The following COL11A1 variants were observed in gnomAD, a reference collection of about 807,000 sequenced individuals.
The protein encoded by COL11A1 is collagen alpha-1(XI) chain.
A neutral mutation model predicts 265.2 loss-of-function variants in COL11A1; 74 were observed. The ratio of observed to expected loss-of-function variants is 0.28; its 90% CI spans 0.23 to 0.34. The LOEUF (loss-of-function observed/expected upper bound fraction) is 0.34. COL11A1 is among the 10% of genes least tolerant of loss of function. The pLI, the probability that COL11A1 is intolerant of heterozygous loss-of-function variation, is 1.00. For missense variants in COL11A1, 2,165 were observed against 2,263.6 expected, an observed-to-expected ratio of 0.96 and a Z score of 0.88; for synonymous variants, 816 against 727.6, an observed-to-expected ratio of 1.12 and a Z score of -1.96.
At chr1:103,037,007 GC>G (rs1668423124) in intron 4 of COL11A1, among the ~76,000 whole-genome samples, 2 of 148,328 alleles carry the variant, frequency 1.3e-5, no homozygotes, top group South Asian at 4.2e-4. Flanking sequence ...CACATGCATT[GC>G]AAAAGGATCT....
intron 9 of COL11A1, among the ~76,000 whole-genome samples, chr1:103,019,632 C>T (rs1055040404): frequency 6.6e-6 from 1 of 151,670 alleles, no homozygotes; most frequent in African/African-American, 2.4e-5. Context: ...TACATGTGCA[C>T]AATGTGCAGG....
chr1:102,978,942 A>C (rs1662772615), intron 33 of COL11A1, 29 bp from the exon 34 acceptor site: 1 of 1,613,910 alleles, frequency 6.2e-7, no homozygotes, highest in African/African-American at 1.3e-5. Flanking sequence ...GATGAACCCA[A>C]ACTAATGCCA....
At chr1:102,917,557 A>T (rs544359841) in intron 49 of COL11A1, among the ~76,000 whole-genome samples, 22 of 151,978 alleles carry the variant, frequency 1.4e-4, no homozygotes, top group African/African-American at 5.3e-4. Context: ...CTTATGTACC[A>T]CATTAATTCA....
chr1:103,039,225 A>G (rs1368758203), intron 4 of COL11A1, among the ~76,000 whole-genome samples: 1 of 152,170 alleles, frequency 6.6e-6, no homozygotes, highest in Non-Finnish European at 1.5e-5. Context: ...AGAATCAATA[A>G]TAATTGGCAG....
intron 41 of COL11A1, among the ~76,000 whole-genome samples, chr1:102,957,299 T>C (rs773046226): frequency 1.3e-5 from 2 of 152,008 alleles, no homozygotes; most frequent in Non-Finnish European, 2.9e-5. Flanking sequence ...CAGATTAGAG[T>C]CATATAGTAA....
intron 46 of COL11A1, among the ~76,000 whole-genome samples, chr1:102,928,900 G>A (rs1242678833): frequency 1.2e-5 from 1 of 81,580 alleles, no homozygotes; most frequent in Non-Finnish European, 3.1e-5. Context: ...CTTCTTTTGA[G>A]AAGTGTCTGT....
intron 25 of COL11A1, 30 bp from the exon 26 acceptor site, chr1:102,997,154 G>A (rs779537189): frequency 1.3e-6 from 2 of 1,556,676 alleles, no homozygotes; most frequent in Non-Finnish European, 1.8e-6. Context: ...ACACTGATAA[G>A]ATGTAATATA....
chr1:102,911,840 A>G (rs1654723197), intron 54 of COL11A1, among the ~76,000 whole-genome samples: 1 of 152,188 alleles, frequency 6.6e-6, no homozygotes, highest in Admixed American at 6.5e-5. Context: ...CCCATGTATT[A>G]CAATAGGAGT....
chr1:103,080,658 AG>A (rs1672337181), intron 2 of COL11A1, among the ~76,000 whole-genome samples: 1 of 151,960 alleles, frequency 6.6e-6, no homozygotes, highest in Non-Finnish European at 1.5e-5. Context: ...ACTATCAAAA[AG>A]TCAAAAGATA....
intron 49 of COL11A1, among the ~76,000 whole-genome samples, chr1:102,917,347 T>A (rs554131647): frequency 7.7e-4 from 117 of 152,024 alleles, no homozygotes; most frequent in African/African-American, 2.7e-3. Context: ...CAAGAAGGAT[T>A]CAAGAATTTA....
chr1:103,057,804 A>G (rs1167475364), intron 4 of COL11A1, among the ~76,000 whole-genome samples: 2 of 152,176 alleles, frequency 1.3e-5, no homozygotes, highest in Admixed American at 1.3e-4. Context: ...CCATGATGCA[A>G]ATGAATGTGC....
chr1:102,914,892 T>A, intron 50 of COL11A1, 81 bp from the exon 51 acceptor site: 1 of 1,112,508 alleles, frequency 9.0e-7, no homozygotes, highest in Non-Finnish European at 1.3e-6. Flanking sequence ...TTTATTAACC[T>A]TGGCACACTG....
At chr1:102,985,894 C>T (rs896810894) in intron 30 of COL11A1, among the ~76,000 whole-genome samples, 17 of 152,072 alleles carry the variant, frequency 1.1e-4, no homozygotes, top group Non-Finnish European at 2.4e-4. Flanking sequence ...TGCCAAATCA[C>T]TATAACATTG....
At chr1:102,909,321 C>A (rs1469870378) in intron 54 of COL11A1, among the ~76,000 whole-genome samples, 2 of 152,148 alleles carry the variant, frequency 1.3e-5, no homozygotes, top group Non-Finnish European at 1.5e-5. Context: ...GTGGGAGCAG[C>A]CTGAGGCCCT....
chr1:103,037,260 G>T lies in COL11A1; in HGVS notation c.652-6016C>A, dbSNP rs12743393. On this transcript the variant is annotated intron_variant, in intron 4 of 66. Coordinates refer to ENST00000370096, the MANE Select transcript of COL11A1 (RefSeq NM_001854.4). ...GTAAAGATACATTTAGATTGTGTGT[G>T]TGTGTGTGTGTGTGTGTGTGTGTGT... Among the ~76,000 whole-genome samples, 9 of 118,862 alleles carry T rather than the reference G, an allele frequency of 7.6e-5. No individual in the cohort carries two copies. The East Asian group carries it at 9.0e-4, about 12-fold the overall frequency. The allele number at this position is 118,862 out of a possible 152,430, so 78.0% of individuals were successfully genotyped here. A position where few individuals can be genotyped will look rare whatever the true frequency, so the allele number is the denominator to read the frequency against.
At chr1:103,065,628 C>T (rs957017575) in intron 4 of COL11A1, among the ~76,000 whole-genome samples, 6 of 147,936 alleles carry the variant, frequency 4.1e-5, no homozygotes, top group African/African-American at 1.5e-4. Flanking sequence ...ATAGGGTGGA[C>T]ATTGAAACTC....
chr1:102,946,725 T>C, intron 42 of COL11A1, 124 bp downstream of exon 42: 1 of 785,376 alleles, frequency 1.3e-6, no homozygotes, highest in East Asian at 2.7e-5. Context: ...AGCCAGGGTA[T>C]TTACATGCCA....
At chr1:103,069,229 G>A (rs1386575186) in intron 4 of COL11A1, among the ~76,000 whole-genome samples, 1 of 151,712 alleles carries the variant, frequency 6.6e-6, no homozygotes, top group Middle Eastern at 3.2e-3. Flanking sequence ...AAATAATAAG[G>A]TAGAGAGTTC....
chr1:102,907,653 G>C (rs1654146851), intron 54 of COL11A1, among the ~76,000 whole-genome samples: 1 of 151,912 alleles, frequency 6.6e-6, no homozygotes, highest in African/African-American at 2.4e-5. Flanking sequence ...ATATTTTCCA[G>C]TTCAACGTTA....
Sources: allele counts gnomAD v4.1 joint callset (sites outside exome capture counted in the v4.1 genomes callset), GRCh38; gene constraint gnomAD v4.1.1; transcripts MANE v1.5; gene names NCBI Gene and HGNC (gene_info 2026-07-23, HGNC 2026-07-21).